The following SLCO3A1 variants were observed in gnomAD, a reference collection of about 807,000 sequenced individuals.
SLCO3A1 encodes solute carrier organic anion transporter family member 3A1, also known as PGE1 transporter.
SLCO3A1 carries 27 observed loss-of-function variants against 63.1 expected under a neutral mutation model. The observed-to-expected ratio is 0.43, with a 90% CI of 0.32 to 0.59. The LOEUF is 0.59. Among genes scored for constraint, SLCO3A1 ranks in the 20% least tolerant of loss-of-function variants. The pLI is 0.09. For synonymous variants in SLCO3A1, 473 were observed against 409.9 expected, an observed-to-expected ratio of 1.15 and a Z score of -1.86; for missense variants, 773 against 945.8, an observed-to-expected ratio of 0.82 and a Z score of 2.40.
At chr15:91,978,247 C>G (rs565267043) in intron 2 of SLCO3A1, among the ~76,000 whole-genome samples, 1 of 152,196 alleles carries the variant, frequency 6.6e-6, no homozygotes, top group Non-Finnish European at 1.5e-5. Context: ...GGTACCCTCC[C>G]TTCTCACTGC....
intron 2 of SLCO3A1, among the ~76,000 whole-genome samples, chr15:92,088,521 T>C (rs1211456863): frequency 6.6e-6 from 1 of 152,244 alleles, no homozygotes; most frequent in Non-Finnish European, 1.5e-5. Context: ...TATTGCAAAC[T>C]TAGTGTAAAA....
In SLCO3A1 at chr15:92,128,995, G is replaced by A. The variant is rs151033689; in HGVS notation, c.1512+506G>A. On this transcript the variant is annotated intron_variant, in intron 7 of 9. Transcript: ENST00000318445. ...CTGACACATTTTTGGGAGGAGGTGGGTTGCTTTTTCCTGCTTAGCGTGGAT... is the reference window on the plus strand; with the variant it reads ...CTGACACATTTTTGGGAGGAGGTGGATTGCTTTTTCCTGCTTAGCGTGGAT... Among the ~76,000 whole-genome samples, 204 of 152,284 alleles carry A rather than the reference G, an allele frequency of 1.3e-3. 2 individuals are homozygous for A. Among genetic ancestry groups the A allele is most frequent in the Non-Finnish European group, 2.0e-3 (138 of 68,016 alleles).
rs982277780 is a variant in SLCO3A1 at position 92,017,289 on chromosome 15, G to A, written c.647-77592G>A. Among the ~76,000 whole-genome samples the A allele has an allele frequency of 4.5e-4, 69 of 152,194 alleles. 1 individual carries two copies. Among genetic ancestry groups the A allele is most frequent in the African/African-American group, 1.6e-3 (65 of 41,544 alleles). On this transcript the variant is annotated intron_variant, in intron 2 of 9. Transcript: ENST00000318445. ...TTGAGTTGGAGGAGCTGGGATTGGGGGGGGGTAGGGAAAGAGCAGGTGGCA... is the reference window on the plus strand; with the variant it reads ...TTGAGTTGGAGGAGCTGGGATTGGGAGGGGGTAGGGAAAGAGCAGGTGGCA...
intron 2 of SLCO3A1, among the ~76,000 whole-genome samples, chr15:91,926,578 T>TGTGTGC (rs2151386957): frequency 1.0e-5 from 1 of 100,322 alleles, no homozygotes; most frequent in Non-Finnish European, 2.1e-5. Flanking sequence ...TGTGTGTGTG[T>TGTGTGC]GTGTGTGTGT....
chr15:92,150,867 C>A (rs1342104296), intron 8 of SLCO3A1, 83 bp from the exon 9 acceptor site: 3 of 889,124 alleles, frequency 3.4e-6, no homozygotes, highest in African/African-American at 1.7e-5. Context: ...TGATGGACAG[C>A]AGCAAATGAC....
chr15:92,132,706 A>G (rs2048010778), intron 7 of SLCO3A1, among the ~76,000 whole-genome samples: 1 of 145,546 alleles, frequency 6.9e-6, no homozygotes. Context: ...TACTGATGAT[A>G]GATGACTAAT....
At chr15:91,992,645 G>A (rs1260501992) in intron 2 of SLCO3A1, among the ~76,000 whole-genome samples, 1 of 152,194 alleles carries the variant, frequency 6.6e-6, no homozygotes, top group African/African-American at 2.4e-5. Context: ...CAGTCAAGAT[G>A]TGGTCATTTA....
intron 2 of SLCO3A1, among the ~76,000 whole-genome samples, chr15:91,957,933 T>C (rs185836085): frequency 1.4e-4 from 21 of 152,240 alleles, no homozygotes; most frequent in Non-Finnish European, 2.4e-4. Context: ...CAGGTCTTTG[T>C]CATATAAATG....
At position 91,957,141 on chromosome 15, in the gene SLCO3A1, AT is replaced by A. The variant is rs756748030; in HGVS notation, c.646+40685del. Among the ~76,000 whole-genome samples, 19 of 8,510 alleles carry A rather than the reference AT, an allele frequency of 2.2e-3. 3 individuals carry two copies. The highest frequency in any genetic ancestry group is 0.012 in the African/African-American group (10 of 824). The allele number at this position is 8,510 out of a possible 152,430, so 5.6% of individuals were successfully genotyped here. On this transcript the variant is annotated intron_variant, in intron 2 of 9. Coordinates refer to ENST00000318445, the MANE Select transcript of SLCO3A1 (RefSeq NM_013272.4). ...AATATATATAATATATATACTATAT[AT>A]TATAATATATATATATATTTTTTTT...
At chr15:92,139,529 T>A (rs1019409815) in intron 7 of SLCO3A1, among the ~76,000 whole-genome samples, 2 of 151,852 alleles carry the variant, frequency 1.3e-5, no homozygotes, top group African/African-American at 4.8e-5. Context: ...TTCTATTGAT[T>A]GGAATAGTTT....
chr15:92,086,639 C>A (rs974909605), intron 2 of SLCO3A1, among the ~76,000 whole-genome samples: 2 of 152,048 alleles, frequency 1.3e-5, no homozygotes, highest in Non-Finnish European at 2.9e-5. Context: ...GTAATGTAGT[C>A]CAGTCTTTTC....
At chr15:92,081,741 C>T (rs2047349089) in intron 2 of SLCO3A1, among the ~76,000 whole-genome samples, 1 of 152,230 alleles carries the variant, frequency 6.6e-6, no homozygotes, top group Non-Finnish European at 1.5e-5. Flanking sequence ...GTCCAGGATT[C>T]TCAACCTGTC....
intron 2 of SLCO3A1, among the ~76,000 whole-genome samples, chr15:92,067,665 T>C (rs1215927610): frequency 1.3e-5 from 2 of 152,358 alleles, no homozygotes; most frequent in East Asian, 3.9e-4. Context: ...CTTTTGGAAC[T>C]GGATGTCTAG....
In SLCO3A1 at chr15:92,038,005, C is replaced by A. The variant is rs2046748974; in HGVS notation, c.647-56876C>A. Among the ~76,000 whole-genome samples the A allele has an allele frequency of 1.3e-5, 2 of 152,166 alleles. 1 individual carries two copies. The highest frequency in any genetic ancestry group is 4.1e-4 in the South Asian group (2 of 4,830). The stretch of plus-strand genomic sequence containing the variant: ...CATGTATAGTAGTGAGACCTAAATG[C>A]CTCCTGTGCTCCTTACTAAAATGAT... On this transcript the variant is annotated intron_variant, in intron 2 of 9. Transcript: ENST00000318445.
In SLCO3A1 at chr15:91,875,186, T is replaced by C. The variant is rs1210793022; in HGVS notation, c.180+21098T>C. Among the ~76,000 whole-genome samples the C allele has an allele frequency of 1.3e-5, 2 of 152,228 alleles. No homozygotes were observed. Among genetic ancestry groups the C allele is most frequent in the African/African-American group, 4.8e-5 (2 of 41,464 alleles). ...AGTGATCTCTACCATTTACTGAGCA[T>C]CCGCTGTGTGTACCTGACACATGTC... is the stretch of plus-strand genomic sequence containing the variant. On this transcript the variant is annotated intron_variant, in intron 1 of 9. Coordinates refer to ENST00000318445, the MANE Select transcript of SLCO3A1 (RefSeq NM_013272.4). The surrounding 1 kb of genome is among the most constrained non-coding windows in gnomAD (Gnocchi z 4.5).
intron 7 of SLCO3A1, among the ~76,000 whole-genome samples, chr15:92,141,152 C>T (rs2048126651): frequency 6.6e-6 from 1 of 152,134 alleles, no homozygotes; most frequent in African/African-American, 2.4e-5. Flanking sequence ...TCCCGCCACC[C>T]CCCAAGTTTG....
rs1341708281 is a variant in SLCO3A1 at position 92,033,309 on chromosome 15, A to T, written c.647-61572A>T. On this transcript the variant is annotated intron_variant, in intron 2 of 9. Transcript: ENST00000318445. This position sits in a 1 kb window ranked among gnomAD's most constrained non-coding sequence, Gnocchi z 4.5. Reference sequence around the variant, plus strand: ...TGGAAATGGACACGGATGTCCTCTTAGTATTTCTGCCCTTTGGAGAGACTT... The same window carrying T: ...TGGAAATGGACACGGATGTCCTCTTTGTATTTCTGCCCTTTGGAGAGACTT... Among the ~76,000 whole-genome samples the T allele has an allele frequency of 1.3e-5, 2 of 152,208 alleles. No homozygotes were observed. The highest frequency in any genetic ancestry group is 4.8e-5 in the African/African-American group (2 of 41,446).
chr15:91,934,123 A>G (rs915378507), intron 2 of SLCO3A1, among the ~76,000 whole-genome samples: 1 of 152,158 alleles, frequency 6.6e-6, no homozygotes, highest in Non-Finnish European at 1.5e-5. Flanking sequence ...TTACTCATTG[A>G]CAATAATCAG....
At chr15:91,958,541 C>A (rs1900322935) in intron 2 of SLCO3A1, among the ~76,000 whole-genome samples, 1 of 152,154 alleles carries the variant, frequency 6.6e-6, no homozygotes, top group South Asian at 2.1e-4. Flanking sequence ...GCATATGCCT[C>A]ACCTTGAGGG....
Sources: allele counts gnomAD v4.1 joint callset (sites outside exome capture counted in the v4.1 genomes callset), GRCh38; gene constraint gnomAD v4.1.1; non-coding constraint Gnocchi (gnomAD v3.1); transcripts MANE v1.5; gene names NCBI Gene and HGNC (gene_info 2026-07-23, HGNC 2026-07-21).